Variants in ENPP3 observed in about 807,000 individuals in gnomAD.
ENPP3 encodes ectonucleotide pyrophosphatase/phosphodiesterase family member 3.
ENPP3 carries 104 observed loss-of-function variants against 117.8 expected under a neutral mutation model. That is an observed-to-expected ratio of 0.88 (90% CI 0.75 to 1.04). The LOEUF (loss-of-function observed/expected upper bound fraction) is 1.04. Among genes scored for constraint, ENPP3 ranks in the 50% least tolerant of loss-of-function variants. ENPP3 has a pLI of 0.00. For synonymous variants in ENPP3, 380 were observed against 349.9 expected (o/e 1.09, Z -0.96); for missense variants, 1,026 against 1,051.9 (o/e 0.98, Z 0.34).
chr6:131,648,013 AATTCAC>A (rs1242810919), intron 2 of ENPP3, among the ~76,000 whole-genome samples: 7 of 152,000 alleles, frequency 4.6e-5, no homozygotes, highest in Non-Finnish European at 7.4e-5. Flanking sequence ...CTTTCCTTAA[AATTCAC>A]ATTTTACAGC....
chr6:131,724,672 T>C (rs1411071801), intron 19 of ENPP3, among the ~76,000 whole-genome samples: 1 of 152,166 alleles, frequency 6.6e-6, no homozygotes, highest in Admixed American at 6.5e-5. Flanking sequence ...CATGAGTTAA[T>C]ATATGTGCCT....
intron 7 of ENPP3, among the ~76,000 whole-genome samples, chr6:131,672,292 T>A (rs1778761421): frequency 6.6e-6 from 1 of 152,198 alleles, no homozygotes; most frequent in South Asian, 2.1e-4. Context: ...TGCCATACTT[T>A]TTATATTCTC....
intron 6 of ENPP3, among the ~76,000 whole-genome samples, chr6:131,669,655 CAAAAAAAAAAAAA>C (rs67597128): frequency 9.7e-5 from 6 of 61,712 alleles, no homozygotes; most frequent in African/African-American, 2.0e-4. Flanking sequence ...GACTCCATCT[CAAAAAAAAAAAAA>C]AAAAAAAAAA....
At chr6:131,659,747 C>G (rs914604998) in intron 6 of ENPP3, among the ~76,000 whole-genome samples, 1 of 152,146 alleles carries the variant, frequency 6.6e-6, no homozygotes, top group Non-Finnish European at 1.5e-5. Context: ...AATCCAGGAC[C>G]TGTCATTTTT....
At chr6:131,717,943 G>A (rs545891005) in intron 15 of ENPP3, among the ~76,000 whole-genome samples, 59 of 152,282 alleles carry the variant, frequency 3.9e-4, no homozygotes, top group African/African-American at 1.4e-3. Flanking sequence ...CAGTACAGTA[G>A]CATGCTGTAC....
chr6:131,742,202 A>G (rs1716701160), intron 24 of ENPP3, among the ~76,000 whole-genome samples: 3 of 152,150 alleles, frequency 2.0e-5, no homozygotes, highest in African/African-American at 7.2e-5. Context: ...ATGTTGTTGA[A>G]TTGAATCCCT....
rs1249040538 is a variant in ENPP3, at chr6:131,678,994, C to A, written c.1011+1054C>A. Among the ~76,000 whole-genome samples, 3 of 100,950 alleles carry A rather than the reference C, an allele frequency of 3.0e-5. No homozygotes were observed. In the Admixed American group the frequency reaches 3.2e-4, roughly 11 times the overall value. The allele number at this position is 100,950 out of a possible 152,430, so 66.2% of individuals were successfully genotyped here. A position where few individuals can be genotyped will look rare whatever the true frequency, so the allele number is the denominator to read the frequency against. The stretch of plus-strand genomic sequence containing the variant: ...CCTTCCTTCCTTCCTTCCTTCCTTC[C>A]TTCCTTGCTTCCTTCCTTCCTTCCT... On this transcript the variant is annotated intron_variant, in intron 11 of 24. Transcript: ENST00000357639.
At chr6:131,740,136 A>G (rs1177890572) in intron 23 of ENPP3, 88 bp from the exon 24 acceptor site, 3 of 925,454 alleles carry the variant, frequency 3.2e-6, no homozygotes, top group Non-Finnish European at 4.5e-6. Flanking sequence ...TTTTACATGT[A>G]TATGAAAAAA....
At chr6:131,701,184 G>T in intron 15 of ENPP3, 1 of 928,502 alleles carries the variant, frequency 1.1e-6, no homozygotes, top group Non-Finnish European at 1.6e-6. Context: ...CGTGTTGCAG[G>T]CGTAGGCGAT....
chr6:131,649,970 G>A, intron 2 of ENPP3, 57 bp from the exon 3 acceptor site: 2 of 1,600,672 alleles, frequency 1.2e-6, no homozygotes, highest in Non-Finnish European at 1.7e-6. Context: ...CCACTGCTTA[G>A]GTATGAGATA....
chr6:131,668,572 C>A (rs375390673), intron 6 of ENPP3, among the ~76,000 whole-genome samples: 155 of 152,154 alleles, frequency 1.0e-3, no homozygotes, highest in Middle Eastern at 6.8e-3. Flanking sequence ...CCTGTTTAGA[C>A]CTTTGCTGCT....
At chr6:131,637,871 C>T (rs964148645) in intron 1 of ENPP3, among the ~76,000 whole-genome samples, 6 of 152,072 alleles carry the variant, frequency 3.9e-5, no homozygotes, top group African/African-American at 1.2e-4. Context: ...GAGATAGTCT[C>T]TTTTGCCTAT....
At chr6:131,648,198 G>T (rs996514292) in intron 2 of ENPP3, among the ~76,000 whole-genome samples, 29 of 150,918 alleles carry the variant, frequency 1.9e-4, no homozygotes, top group African/African-American at 6.8e-4. Context: ...GATGTTTTTT[G>T]GGGTCAAACT....
At chr6:131,706,910 C>T (rs1417517031) in intron 15 of ENPP3, among the ~76,000 whole-genome samples, 2 of 152,152 alleles carry the variant, frequency 1.3e-5, no homozygotes, top group African/African-American at 4.8e-5. Context: ...CACACTCTCT[C>T]TCTCTCTCCT....
rs758137627 is a variant in ENPP3, at chr6:131,658,304, T to C, written c.465-19T>C. 1.1e-5 allele frequency: 16 copies of C among 1,409,310 alleles called. No individual in the cohort carries two copies. The highest frequency in any genetic ancestry group is 1.4e-5 in the Non-Finnish European group (14 of 994,490). 87.3% of individuals were successfully genotyped at this position (1,409,310 alleles called of 1,614,324 possible). ...GTAGCTATCCAAAACAATGGACAAA[T>C]TTTGTTTTCCATTTTCAGGTTTGAC... On this transcript the variant is annotated intron_variant, in intron 5 of 24. Transcript: ENST00000357639.
At chr6:131,717,349 GGGGTGTGTGTGTGTGTGTGTGTGT>G (rs1413887055) in intron 15 of ENPP3, among the ~76,000 whole-genome samples, 10 of 126,966 alleles carry the variant, frequency 7.9e-5, no homozygotes, top group East Asian at 2.2e-4. Flanking sequence ...AACCCTGCGG[GGGGTGTGTGTGTGTGTGTGTGTGT>G]GTGTGTGTGT....
intron 2 of ENPP3, among the ~76,000 whole-genome samples, chr6:131,643,994 G>A (rs569517195): frequency 1.3e-5 from 2 of 151,722 alleles, no homozygotes; most frequent in African/African-American, 4.8e-5. Context: ...AGTAATGACT[G>A]AAGGAAGTGA....
rs1420951801 is a variant in ENPP3 at position 131,693,537 on chromosome 6, C to T, written c.1325C>T (p.Pro442Leu). 1.1e-5 allele frequency: 17 copies of T among 1,613,318 alleles called. No individual in the cohort carries two copies. Among genetic ancestry groups the T allele is most frequent in the Non-Finnish European group, 1.4e-5 (17 of 1,179,710 alleles). Reference sequence around the variant, plus strand: ...CAGCATTTCAAGCCCTATTTGACTCCTGATTTGCCAAAGCGACTGCACTAT... The same window carrying T: ...CAGCATTTCAAGCCCTATTTGACTCTTGATTTGCCAAAGCGACTGCACTAT... The part of the protein sequence containing the change: ...PDQHFKPYLT[P>L]DLPKRLHYAK... The change falls in exon 15 of 25, where the codon CCT becomes CTT. Residue 442 changes from proline (P) to leucine (L), a missense_variant. By Grantham distance (98) the Pro-to-Leu change is moderately conservative. Transcript: ENST00000357639.
intron 7 of ENPP3, among the ~76,000 whole-genome samples, chr6:131,672,182 A>T (rs1346429692): frequency 1.3e-5 from 2 of 152,226 alleles, no homozygotes; most frequent in African/African-American, 4.8e-5. Flanking sequence ...CCCAATGCTT[A>T]TATTCCTAGC....
Sources: allele counts gnomAD v4.1 joint callset (sites outside exome capture counted in the v4.1 genomes callset), GRCh38; gene constraint gnomAD v4.1.1; transcripts MANE v1.5; gene names NCBI Gene and HGNC (gene_info 2026-07-23, HGNC 2026-07-21).